NEXMIF: variants seen among roughly 807,000 people sequenced by gnomAD.
NEXMIF encodes XLMR protein related to neurite extension.
Under a neutral mutation model 62.1 loss-of-function variants are expected in NEXMIF, and 8 were observed. The observed-to-expected ratio is 0.13, with a 90% CI of 0.08 to 0.23. The LOEUF is 0.23. Among genes scored for constraint, NEXMIF ranks in the 10% least tolerant of loss-of-function variants. The pLI, the probability that NEXMIF is intolerant of heterozygous loss-of-function variation, is 1.00. For synonymous variants in NEXMIF, 404 were observed against 416.6 expected, an observed-to-expected ratio of 0.97 and a Z score of 0.37; for missense variants, 976 against 1,113.3, an observed-to-expected ratio of 0.88 and a Z score of 1.75.
At chrX:74,800,387 A>G (rs1022891259) in intron 1 of NEXMIF, among the ~76,000 whole-genome samples, 6 of 111,454 alleles carry the variant, frequency 5.4e-5, no homozygotes, top group Non-Finnish European at 1.1e-4. Flanking sequence ...TTTTTTTTAT[A>G]AAAAGCTTTT....
chrX:74,739,559 G>A (rs2080095262), intron 3 of NEXMIF, 61 bp from the exon 4 acceptor site: 1 of 709,987 alleles, frequency 1.4e-6, no homozygotes. Context: ...TCCCACAAAG[G>A]GATCATACAA....
chrX:74,794,186 C>T (rs1363253061), intron 1 of NEXMIF, among the ~76,000 whole-genome samples: 1 of 110,725 alleles, frequency 9.0e-6, no homozygotes, highest in Non-Finnish European at 1.9e-5. Flanking sequence ...ATTAGTTTTC[C>T]TTCTAACAGA....
At position 74,740,702 on chromosome X, in the gene NEXMIF, C is replaced by T. The variant is rs1057523733; in HGVS notation, c.3855G>A (p.Leu1285=). ...SQKGLSGDWA[L]GKESSPGWSD... ...TCCAGCCTGGGCTGCTCTCCTTCCCCAAGGCCCAATCTCCAGAAAGTCCCT... is the reference window on the plus strand; with the variant it reads ...TCCAGCCTGGGCTGCTCTCCTTCCCTAAGGCCCAATCTCCAGAAAGTCCCT... The change falls in exon 3 of 4, where the codon TTG becomes TTA. Residue 1285 remains leucine (L), a synonymous_variant. Transcript: ENST00000055682. 8.2e-7 allele frequency: 1 copy of T among 1,212,153 alleles called. No homozygotes were observed. The highest frequency in any genetic ancestry group is 1.1e-6 in the Non-Finnish European group (1 of 895,567).
chrX:74,756,539 G>A (rs2080160030), intron 1 of NEXMIF, among the ~76,000 whole-genome samples: 1 of 111,302 alleles, frequency 9.0e-6, no homozygotes, highest in Non-Finnish European at 1.9e-5. Flanking sequence ...AGGAGCAAGG[G>A]AAAGGATACA....
chrX:74,888,310 C>CA (rs748607057), intron 1 of NEXMIF, among the ~76,000 whole-genome samples: 328 of 89,380 alleles, frequency 3.7e-3, no homozygotes, highest in African/African-American at 4.5e-3. Flanking sequence ...AACAAACAAA[C>CA]AAAAAAAAAA....
rs1569335207 is a variant in NEXMIF, at chrX:74,741,494, A to C, written c.3063T>G (p.Asp1021Glu). 1 of 1,211,638 alleles carries C rather than the reference A, an allele frequency of 8.3e-7. No homozygotes were observed. The highest frequency in any genetic ancestry group is 1.1e-6 in the Non-Finnish European group (1 of 895,397). Residue 1021 changes from aspartate to glutamate, a missense_variant, in exon 3 of 4, where the codon GAT becomes GAG. Transcript: ENST00000055682. ...LKSCEKDGDD[D>E]ITDDFLAHCS... Reference sequence around the variant, plus strand: ...AATGGGCCAGGAAGTCATCAGTGATATCATCATCGCCATCCTTTTCACAGG... The same window carrying C: ...AATGGGCCAGGAAGTCATCAGTGATCTCATCATCGCCATCCTTTTCACAGG...
intron 1 of NEXMIF, among the ~76,000 whole-genome samples, chrX:74,753,453 C>G (rs1790873184): frequency 1.8e-5 from 2 of 111,760 alleles, no homozygotes; most frequent in South Asian, 7.5e-4. Context: ...AGTTACTTAC[C>G]AAGTGGAATG....
chrX:74,784,847 T>C lies in NEXMIF; in HGVS notation c.-47-39150A>G, dbSNP rs918558462. ...CATGCTGTAACAGCCTGTCTAGGTA[T>C]CTTGTGCAAAAAATATGATTTATGG... is the stretch of plus-strand genomic sequence containing the variant. On this transcript the variant is annotated intron_variant, in intron 1 of 3. Coordinates refer to ENST00000055682, the MANE Select transcript of NEXMIF (RefSeq NM_001008537.3). Among the ~76,000 whole-genome samples, 4 of 111,017 alleles carry C rather than the reference T, an allele frequency of 3.6e-5. No homozygotes were observed. The Admixed American group carries it at 3.9e-4, about 11-fold the overall frequency.
intron 1 of NEXMIF, among the ~76,000 whole-genome samples, chrX:74,806,939 T>C (rs1569347144): frequency 8.8e-6 from 1 of 113,019 alleles, no homozygotes; most frequent in Non-Finnish European, 1.9e-5. Context: ...ACGTTTTGAT[T>C]ACTGTAGCTT....
Position 74,887,026 on chromosome X carries a change from G to C in NEXMIF, c.-48+37857C>G, listed in dbSNP as rs767287358. Among the ~76,000 whole-genome samples, 582 of 112,009 alleles carry C rather than the reference G, an allele frequency of 5.2e-3. 3 individuals carry two copies. Among genetic ancestry groups the C allele is most frequent in the African/African-American group, 0.018 (551 of 30,781 alleles). On this transcript the variant is annotated intron_variant, in intron 1 of 3. Transcript: ENST00000055682. ...GTACAACTATCTGATCTTTGACAAA[G>C]CTGACAAAAACAAGCAATGGGGAAA...
intron 1 of NEXMIF, among the ~76,000 whole-genome samples, chrX:74,842,609 G>A (rs1363711632): frequency 5.4e-5 from 6 of 111,617 alleles, no homozygotes; most frequent in African/African-American, 2.0e-4. Context: ...TGGGCATTTA[G>A]TGCTATTAGT....
intron 1 of NEXMIF, among the ~76,000 whole-genome samples, chrX:74,761,952 A>ATTTC (rs373014429): frequency 2.8e-4 from 31 of 109,679 alleles, no homozygotes; most frequent in Admixed American, 1.5e-3. Flanking sequence ...TTCTGCCTCA[A>ATTTC]TTTCTTTCTT....
Position 74,868,304 on chromosome X carries a change from C to T in NEXMIF, c.-48+56579G>A, listed in dbSNP as rs556548717. Among the ~76,000 whole-genome samples the T allele has an allele frequency of 2.9e-4, 32 of 111,887 alleles. No homozygotes were observed. The South Asian group carries it at 0.012, about 41-fold the overall frequency. ...TATACCCAAAGGAATATAAATCATT[C>T]TATTATAAACATACATGCAGGCATG... is the stretch of plus-strand genomic sequence containing the variant. On this transcript the variant is annotated intron_variant, in intron 1 of 3. Transcript: ENST00000055682.
At chrX:74,790,178 T>A in intron 1 of NEXMIF, among the ~76,000 whole-genome samples, 1 of 109,608 alleles carries the variant, frequency 9.1e-6, no homozygotes, top group East Asian at 2.8e-4. Context: ...GGATCCAGTT[T>A]CAGCTTTCTA....
intron 1 of NEXMIF, among the ~76,000 whole-genome samples, chrX:74,883,875 A>G (rs1320135922): frequency 8.9e-6 from 1 of 112,024 alleles, no homozygotes; most frequent in African/African-American, 3.2e-5. Flanking sequence ...TGAAGGAAAA[A>G]ATGTTAAGGG....
chrX:74,875,253 A>G (rs1020537658), intron 1 of NEXMIF, among the ~76,000 whole-genome samples: 5 of 109,548 alleles, frequency 4.6e-5, no homozygotes, highest in Admixed American at 9.6e-5. Flanking sequence ...TGAGATAATC[A>G]TGTGGTTTTT....
At position 74,737,325 on chromosome X, in the gene NEXMIF, C is replaced by A. The variant is rs1262810944; in HGVS notation, c.*2080G>T. 1.8e-5 allele frequency: 2 copies of A among 111,673 alleles called. No homozygotes were observed. The highest frequency in any genetic ancestry group is 3.3e-5 in the African/African-American group (1 of 30,716). 9.2% of individuals were successfully genotyped at this position (111,673 alleles called of 1,213,427 possible). The stretch of plus-strand genomic sequence containing the variant: ...CATAGCATTTAGTACAGCTAGCTAT[C>A]AGAATAGAGAAATAGAAGAAGGTTT... On this transcript the variant is annotated 3_prime_UTR_variant, in exon 4 of 4. Transcript: ENST00000055682.
At chrX:74,922,173 A>G (rs920629208) in intron 1 of NEXMIF, among the ~76,000 whole-genome samples, 2 of 111,540 alleles carry the variant, frequency 1.8e-5, no homozygotes, top group African/African-American at 6.5e-5. Flanking sequence ...CACCTCCTAA[A>G]CACAGGCAAC....
At chrX:74,825,293 G>T (rs1253545576) in intron 1 of NEXMIF, among the ~76,000 whole-genome samples, 1 of 111,116 alleles carries the variant, frequency 9.0e-6, no homozygotes, top group Non-Finnish European at 1.9e-5. Context: ...AGGTAAACTC[G>T]TGTCATGGGG....
Sources: gnomAD v4.1 joint callset for allele counts (sites outside exome capture counted in the v4.1 genomes callset) on GRCh38, gnomAD v4.1.1 for gene constraint, MANE v1.5 for transcripts, NCBI Gene and HGNC (gene_info 2026-07-23, HGNC 2026-07-21) for gene names.